The following HMBOX1 variants were observed in gnomAD, a reference collection of about 807,000 sequenced individuals.
HMBOX1 encodes the protein homeobox containing 1.
A neutral mutation model predicts 54.5 loss-of-function variants in HMBOX1; 14 were observed. The observed-to-expected ratio is 0.26, with a 90% confidence interval of 0.17 to 0.40. The LOEUF is 0.40. Ranked by LOEUF, HMBOX1 falls within the 10% of genes least tolerant of loss-of-function variation. The pLI is 1.00. For missense variants in HMBOX1, 332 were observed against 514.4 expected (o/e 0.65, Z 3.43); for synonymous variants, 160 against 181.0 (o/e 0.88, Z 0.93).
chr8:28,949,694 A>G (rs1282653235), intron 1 of HMBOX1: 1 of 152,246 alleles, frequency 6.6e-6, no homozygotes. Flanking sequence ...CATTGGTAGC[A>G]GCTGAGGCTG....
At chr8:29,049,319 G>A in intron 9 of HMBOX1, 1 of 1,535,800 alleles carries the variant, frequency 6.5e-7, no homozygotes, top group South Asian at 1.2e-5. Context: ...ATGGGGAGGA[G>A]GAGGAGGGAA....
Position 29,051,206 on chromosome 8 carries a change from G to A in HMBOX1, c.*51G>A. ...AACTTAGTTTAGACGTAGCACCTTA[G>A]CAGACTTTCCTCGGTCCTTAACATG... is the stretch of plus-strand genomic sequence containing the variant. On this transcript the variant is annotated 3_prime_UTR_variant, in exon 10 of 10. Coordinates refer to ENST00000287701, the MANE Select transcript of HMBOX1 (RefSeq NM_001135726.3). 6.3e-7 allele frequency: 1 copy of A among 1,595,912 alleles called. No individual in the cohort carries two copies.
In HMBOX1 at chr8:28,963,667, G is replaced by A. The variant is rs1586133125; in HGVS notation, c.-57-144G>A. On this transcript the variant is annotated intron_variant, in intron 1 of 9. Transcript: ENST00000287701. ...GGGATCAAAGTGTATGGTGAATAAA[G>A]CAGTAGAATGCAAATCAGAAGATAT... 1.7e-5 allele frequency: 8 copies of A among 480,868 alleles called. No individual in the cohort carries two copies. In the Admixed American group the frequency reaches 2.1e-4, roughly 13 times the overall value. 29.8% of individuals were successfully genotyped at this position (480,868 alleles called of 1,614,324 possible).
At chr8:28,963,467 G>A (rs576216610) in intron 1 of HMBOX1, among the ~76,000 whole-genome samples, 112 of 152,302 alleles carry the variant, frequency 7.4e-4, no homozygotes, top group African/African-American at 2.5e-3. Context: ...CAATGTGAGA[G>A]TTTTTGACAT....
chr8:28,949,528 A>G (rs1227751384), intron 1 of HMBOX1: 2 of 152,208 alleles, frequency 1.3e-5, no homozygotes, highest in East Asian at 1.9e-4. Context: ...AAATGTTCCA[A>G]TTATGTTATT....
intron 1 of HMBOX1, among the ~76,000 whole-genome samples, chr8:28,917,623 T>G (rs535778243): frequency 4.0e-4 from 61 of 152,308 alleles, no homozygotes; most frequent in African/African-American, 1.3e-3. Context: ...CTTGTCTGTT[T>G]TCAGTGTTAA....
rs1208656994 is a variant in HMBOX1 at position 29,009,318 on chromosome 8, T to A, written c.697+136T>A. The A allele has an allele frequency of 2.9e-6, 3 of 1,039,466 alleles. No individual in the cohort carries two copies. In the Admixed American group the frequency reaches 8.7e-5, roughly 30 times the overall value. 64.4% of individuals were successfully genotyped at this position (1,039,466 alleles called of 1,614,324 possible). A position where few individuals can be genotyped will look rare whatever the true frequency, so the allele number is the denominator to read the frequency against. On this transcript the variant is annotated intron_variant, in intron 5 of 9. Transcript: ENST00000287701. ...ATGGTTGCTTTATGCAGAAAAAGAC[T>A]CTTAACAGTAAAAGCTAAACCCTGA...
intron 6 of HMBOX1, among the ~76,000 whole-genome samples, chr8:29,021,608 C>T (rs2133039039): frequency 6.6e-6 from 1 of 152,070 alleles, no homozygotes; most frequent in Non-Finnish European, 1.5e-5. Flanking sequence ...GTAATCCCAG[C>T]ACTTTGGGAG....
At chr8:28,916,866 C>G (rs1223950777) in intron 1 of HMBOX1, among the ~76,000 whole-genome samples, 1 of 151,882 alleles carries the variant, frequency 6.6e-6, no homozygotes, top group African/African-American at 2.4e-5. Context: ...CCCAGGAGTT[C>G]AAGACCAGCC....
intron 4 of HMBOX1, among the ~76,000 whole-genome samples, chr8:29,001,427 G>A (rs1328098206): frequency 2.0e-5 from 3 of 152,172 alleles, no homozygotes; most frequent in Non-Finnish European, 4.4e-5. Flanking sequence ...GTGGGCACCT[G>A]TAATCCCGGC....
intron 2 of HMBOX1, among the ~76,000 whole-genome samples, chr8:28,968,802 G>T (rs989412968): frequency 1.3e-5 from 2 of 152,052 alleles, no homozygotes; most frequent in Admixed American, 1.3e-4. Flanking sequence ...ATTATATTTG[G>T]CACTAGAACA....
At chr8:28,914,148 G>C (rs1816058706) in intron 1 of HMBOX1, among the ~76,000 whole-genome samples, 1 of 152,100 alleles carries the variant, frequency 6.6e-6, no homozygotes, top group South Asian at 2.1e-4. Flanking sequence ...GATTACAGGC[G>C]TGAGCTACCG....
chr8:29,052,534 ATCT>A lies in HMBOX1; in HGVS notation c.*1381_*1383del, dbSNP rs1202530011. 6.6e-6 allele frequency: 1 copy of A among 152,114 alleles called. No homozygotes were observed. Among genetic ancestry groups the A allele is most frequent in the Non-Finnish European group, 1.5e-5 (1 of 68,038 alleles). The allele number at this position is 152,114 out of a possible 1,614,324, so 9.4% of individuals were successfully genotyped here. Reference sequence around the variant, plus strand: ...TTTTAAAGATATTTATATTTGATAAATCTTTTTTTCATTTTGAGAACTCAAAAT... The same window carrying A: ...TTTTAAAGATATTTATATTTGATAAATTTTTTCATTTTGAGAACTCAAAAT... On this transcript the variant is annotated 3_prime_UTR_variant, in exon 10 of 10. Transcript: ENST00000287701.
chr8:29,019,048 C>A, intron 6 of HMBOX1, 135 bp downstream of exon 6: 1 of 676,740 alleles, frequency 1.5e-6, no homozygotes. Flanking sequence ...TTTAGAATAT[C>A]ATAAATGCTG....
intron 6 of HMBOX1, among the ~76,000 whole-genome samples, chr8:29,034,620 C>T (rs1450516843): frequency 6.6e-6 from 1 of 152,188 alleles, no homozygotes. Flanking sequence ...CTTTGGGAGG[C>T]CAAGGCAGGT....
intron 1 of HMBOX1, among the ~76,000 whole-genome samples, chr8:28,962,483 A>G (rs1337314641): frequency 7.0e-6 from 1 of 143,266 alleles, no homozygotes; most frequent in Non-Finnish European, 1.5e-5. Flanking sequence ...GCTACATGTA[A>G]ACGTGCTGCA....
intron 1 of HMBOX1, among the ~76,000 whole-genome samples, chr8:28,951,686 T>C (rs550259791): frequency 2.0e-5 from 3 of 152,318 alleles, no homozygotes; most frequent in Non-Finnish European, 4.4e-5. Context: ...GCAAATTTAA[T>C]ATACAAAAAA....
At chr8:29,003,797 A>T (rs1833035510) in intron 4 of HMBOX1, among the ~76,000 whole-genome samples, 2 of 151,930 alleles carry the variant, frequency 1.3e-5, no homozygotes, top group Non-Finnish European at 2.9e-5. Context: ...AAGGCGAATT[A>T]TAGAGATGAT....
chr8:28,904,591 T>A (rs1188561484), intron 1 of HMBOX1, among the ~76,000 whole-genome samples: 2 of 152,238 alleles, frequency 1.3e-5, no homozygotes, highest in Non-Finnish European at 2.9e-5. Context: ...CATTCTTATT[T>A]TTTCAAGTTA....
Sources: allele counts gnomAD v4.1 joint callset (sites outside exome capture counted in the v4.1 genomes callset), GRCh38; gene constraint gnomAD v4.1.1; transcripts MANE v1.5; gene names NCBI Gene and HGNC (gene_info 2026-07-23, HGNC 2026-07-21).